Variants in B4GALT5 observed in about 807,000 individuals in gnomAD.
B4GALT5 encodes the protein beta-1,4-galactosyltransferase 5.
Under a neutral mutation model 45.0 loss-of-function variants are expected in B4GALT5, and 11 were observed. The observed-to-expected ratio is 0.24, with a 90% CI of 0.15 to 0.40. The LOEUF is 0.40. Among genes scored for constraint, B4GALT5 ranks in the 10% least tolerant of loss-of-function variants. The probability of loss-of-function intolerance (pLI) is 1.00; values close to 1 mark genes in which losing one functional copy is unlikely to be tolerated. For synonymous variants in B4GALT5, 185 were observed against 182.9 expected (o/e 1.01, Z -0.09); for missense variants, 337 against 500.2 (o/e 0.67, Z 3.11).
chr20:49,702,808 T>C (rs902976428), intron 1 of B4GALT5, among the ~76,000 whole-genome samples: 3 of 151,898 alleles, frequency 2.0e-5, no homozygotes, highest in Non-Finnish European at 1.5e-5. Context: ...TGAGCCGTGA[T>C]AGTGCCACTG....
At chr20:49,645,286 C>A (rs2085594323) in intron 3 of B4GALT5, among the ~76,000 whole-genome samples, 1 of 152,162 alleles carries the variant, frequency 6.6e-6, no homozygotes, top group Non-Finnish European at 1.5e-5. Flanking sequence ...TGTGCTTTGA[C>A]ATTTTCACCA....
At chr20:49,642,414 C>G in intron 5 of B4GALT5, 54 bp downstream of exon 5, 1 of 1,346,810 alleles carries the variant, frequency 7.4e-7, no homozygotes, top group Non-Finnish European at 1.1e-6. Context: ...CTTGCAGCAA[C>G]CTAAACTGCT....
At chr20:49,665,479 A>C (rs1481053651) in intron 1 of B4GALT5, among the ~76,000 whole-genome samples, 5 of 146,586 alleles carry the variant, frequency 3.4e-5, no homozygotes, top group Admixed American at 2.7e-4. Context: ...AATAATAATA[A>C]TAATGAAGAA....
rs201896811 is a variant in B4GALT5, at chr20:49,642,499, C to T, written c.575G>A (p.Arg192His). The T allele has an allele frequency of 7.9e-5, 127 of 1,613,772 alleles. No homozygotes were observed. The highest frequency in any genetic ancestry group is 8.7e-5 in the Non-Finnish European group (103 of 1,179,854). ...AACCACATAAAATGCAAACTGCAAG[C>T]GCTGGCGCTGGAGCATGGGAAGCAG... ...RHLLPMLQRQRLQFAFYVVEQ... is the reference protein window; with the variant it reads ...RHLLPMLQRQHLQFAFYVVEQ... The change falls in exon 5 of 9, where the codon CGC (arginine) becomes CAC (histidine). Residue 192 changes from arginine to histidine, a missense_variant. Physicochemically the swap from Arg to His is conservative, Grantham distance 29. This residue lies in a region of B4GALT5 where 163 missense variants were observed against 292.8 expected (regional missense o/e 0.56). Transcript: ENST00000371711.
chr20:49,660,695 C>T (rs1016976834), intron 1 of B4GALT5, among the ~76,000 whole-genome samples: 2 of 152,124 alleles, frequency 1.3e-5, no homozygotes, highest in African/African-American at 4.8e-5. Flanking sequence ...TATTAAAAGT[C>T]TTGTTACCGG....
intron 1 of B4GALT5, among the ~76,000 whole-genome samples, chr20:49,676,779 A>G (rs1426721541): frequency 6.6e-6 from 1 of 152,272 alleles, no homozygotes; most frequent in Non-Finnish European, 1.5e-5. Context: ...CGGGGGGCAC[A>G]GAATAAAACC....
In B4GALT5 at chr20:49,713,565, C is replaced by T. The variant is rs2085930184; in HGVS notation, c.115+11G>A. 6.4e-7 allele frequency: 1 copy of T among 1,564,710 alleles called. No homozygotes were observed. Among genetic ancestry groups the T allele is most frequent in the Non-Finnish European group, 8.7e-7 (1 of 1,155,570 alleles). Reference sequence around the variant, plus strand: ...AGCGGCAGCCGCCGCGGTCCCAAGCCCCCTTCCTACCTATGCCGGGCGCCA... The same window carrying T: ...AGCGGCAGCCGCCGCGGTCCCAAGCTCCCTTCCTACCTATGCCGGGCGCCA... On this transcript the variant is annotated intron_variant, in intron 1 of 8. Coordinates refer to ENST00000371711, the MANE Select transcript of B4GALT5 (RefSeq NM_004776.4).
Position 49,713,566 on chromosome 20 carries a change from C to G in B4GALT5, c.115+10G>C, listed in dbSNP as rs1263517490. On this transcript the variant is annotated intron_variant, in intron 1 of 8. Coordinates refer to ENST00000371711, the MANE Select transcript of B4GALT5 (RefSeq NM_004776.4). Reference sequence around the variant, plus strand: ...GCGGCAGCCGCCGCGGTCCCAAGCCCCCTTCCTACCTATGCCGGGCGCCAC... The same window carrying G: ...GCGGCAGCCGCCGCGGTCCCAAGCCGCCTTCCTACCTATGCCGGGCGCCAC... The G allele has an allele frequency of 1.9e-5, 29 of 1,566,050 alleles. No individual in the cohort carries two copies. In the Admixed American group the frequency reaches 5.6e-4, roughly 30 times the overall value.
intron 1 of B4GALT5, among the ~76,000 whole-genome samples, chr20:49,690,878 C>T (rs2085807838): frequency 6.6e-6 from 1 of 152,104 alleles, no homozygotes; most frequent in South Asian, 2.1e-4. Context: ...AATTTATATT[C>T]CTTGAATACC....
At chr20:49,639,027 C>G (rs2085565194) in intron 7 of B4GALT5, among the ~76,000 whole-genome samples, 1 of 152,212 alleles carries the variant, frequency 6.6e-6, no homozygotes, top group Non-Finnish European at 1.5e-5. Context: ...ATTTAATCCT[C>G]ACAATCCTGA....
At chr20:49,691,012 A>G (rs1176311695) in intron 1 of B4GALT5, among the ~76,000 whole-genome samples, 2 of 152,232 alleles carry the variant, frequency 1.3e-5, no homozygotes, top group African/African-American at 4.8e-5. Flanking sequence ...GTAAATTAGC[A>G]GATTATGCCT....
intron 1 of B4GALT5, among the ~76,000 whole-genome samples, chr20:49,676,401 C>A (rs2085737683): frequency 6.6e-6 from 1 of 152,156 alleles, no homozygotes; most frequent in African/African-American, 2.4e-5. Context: ...ATGCTCACAG[C>A]AGGACACTAA....
intron 1 of B4GALT5, among the ~76,000 whole-genome samples, chr20:49,672,396 C>T (rs1197561375): frequency 6.6e-6 from 1 of 152,224 alleles, no homozygotes; most frequent in African/African-American, 2.4e-5. Flanking sequence ...AAGGCACACA[C>T]ACTTAGCAAA....
intron 1 of B4GALT5, among the ~76,000 whole-genome samples, chr20:49,691,468 G>A (rs1368857785): frequency 1.3e-5 from 2 of 152,028 alleles, no homozygotes; most frequent in African/African-American, 4.8e-5. Context: ...GCTGCAGTGA[G>A]CCATGATTGC....
intron 5 of B4GALT5, among the ~76,000 whole-genome samples, chr20:49,641,273 G>A (rs1156884773): frequency 6.6e-6 from 1 of 152,222 alleles, no homozygotes; most frequent in African/African-American, 2.4e-5. Context: ...ACAAAGGGAA[G>A]AGACAACACT....
chr20:49,696,090 G>A (rs1257439059), intron 1 of B4GALT5, among the ~76,000 whole-genome samples: 1 of 152,230 alleles, frequency 6.6e-6, no homozygotes, highest in East Asian at 1.9e-4. Flanking sequence ...CGCAGTAAAT[G>A]TATATAGTTA....
At chr20:49,643,490 G>A (rs1229631626) in intron 4 of B4GALT5, 36 bp downstream of exon 4, 2 of 1,610,414 alleles carry the variant, frequency 1.2e-6, no homozygotes, top group Non-Finnish European at 1.7e-6. Context: ...CCCCAGGTGG[G>A]CTTCTCAGCA....
chr20:49,647,315 ACT>A (rs1323949580), intron 2 of B4GALT5, among the ~76,000 whole-genome samples: 1 of 152,192 alleles, frequency 6.6e-6, no homozygotes, highest in African/African-American at 2.4e-5. Flanking sequence ...TATATGCAGC[ACT>A]CAGTTTACAG....
chr20:49,650,462 A>T (rs1414750548), intron 2 of B4GALT5, among the ~76,000 whole-genome samples: 3 of 46,912 alleles, frequency 6.4e-5, no homozygotes, highest in Admixed American at 2.2e-4. Context: ...CTGCTAAAAA[A>T]AAAAAAAAAA....
Sources: gnomAD v4.1 joint callset for allele counts (sites outside exome capture counted in the v4.1 genomes callset) on GRCh38, gnomAD v4.1.1 for gene constraint, gnomAD v4.1.1 regional missense constraint, MANE v1.5 for transcripts, NCBI Gene and HGNC (gene_info 2026-07-23, HGNC 2026-07-21) for gene names.